NIBAN2: variants seen among roughly 807,000 people sequenced by gnomAD.
The protein encoded by NIBAN2 is niban apoptosis regulator 2.
Under a neutral mutation model 81.8 loss-of-function variants are expected in NIBAN2, and 36 were observed. That is an observed-to-expected ratio of 0.44 (90% CI 0.34 to 0.58). NIBAN2 has a LOEUF of 0.58. Among genes scored for constraint, NIBAN2 ranks in the 20% least tolerant of loss-of-function variants. The probability of loss-of-function intolerance (pLI) is 0.02; values close to 1 mark genes in which losing one functional copy is unlikely to be tolerated. For missense variants in NIBAN2, 897 were observed against 1,014.1 expected, an observed-to-expected ratio of 0.88 and a Z score of 1.57; for synonymous variants, 445 against 441.6, an observed-to-expected ratio of 1.01 and a Z score of -0.10.
intron 1 of NIBAN2, among the ~76,000 whole-genome samples, chr9:127,577,097 C>T (rs756034644): frequency 3.3e-5 from 5 of 151,594 alleles, no homozygotes; most frequent in East Asian, 2.0e-4. Context: ...CACCTGAGGT[C>T]GGGAGTTTGA....
Position 127,536,914 on chromosome 9 carries a change from G to A in NIBAN2, c.56-5136C>T, listed in dbSNP as rs1837290779. 6.6e-6 allele frequency among the ~76,000 whole-genome samples: 1 copy of A among 152,244 alleles called. No homozygotes were observed. On this transcript the variant is annotated intron_variant, in intron 1 of 13. Coordinates refer to ENST00000373312, the MANE Select transcript of NIBAN2 (RefSeq NM_022833.4). The surrounding 1 kb of genome is among the most constrained non-coding windows in gnomAD (Gnocchi z 4.0). Reference sequence around the variant, plus strand: ...GGCAGGGCTGGCCCGCAGGTCCTGGGCCCAGGAACTGGGGGGCTCCAGCTG... The same window carrying A: ...GGCAGGGCTGGCCCGCAGGTCCTGGACCCAGGAACTGGGGGGCTCCAGCTG...
At position 127,509,130 on chromosome 9, in the gene NIBAN2, T is replaced by A; in HGVS notation, c.1163A>T (p.Tyr388Phe). 3.1e-6 allele frequency: 5 copies of A among 1,610,290 alleles called. No homozygotes were observed. Among genetic ancestry groups the A allele is most frequent in the Non-Finnish European group, 4.2e-6 (5 of 1,179,454 alleles). The change falls in exon 10 of 14, where the codon TAC becomes TTC. Residue 388 changes from tyrosine (Y) to phenylalanine (F), a missense_variant and splice_region_variant. Physicochemically the swap from Tyr to Phe is conservative, Grantham distance 22. Around this residue, in one of 3 missense-constraint regions of NIBAN2, gnomAD observed 619 missense variants for 691.0 expected, o/e 0.90. Transcript: ENST00000373312. ...NEGGIDKLGE[Y>F]MEKLSRLAYH... ...CGCCAGCCGGGACAGCTTCTCCATG[T>A]ACTGCAGGGGCCGGGGCCGCGGGGG...
At chr9:127,512,287 A>ATTTT (rs3053049) in intron 8 of NIBAN2, among the ~76,000 whole-genome samples, 12 of 140,170 alleles carry the variant, frequency 8.6e-5, no homozygotes, top group South Asian at 2.3e-4. Flanking sequence ...TTCATTTTAC[A>ATTTT]TTTTTTTTTT....
At position 127,545,341 on chromosome 9, in the gene NIBAN2, A is replaced by T. The variant is rs1189985613; in HGVS notation, c.56-13563T>A. On this transcript the variant is annotated intron_variant, in intron 1 of 13. Transcript: ENST00000373312. The surrounding 1 kb of genome is among the most constrained non-coding windows in gnomAD (Gnocchi z 4.7). ...CCGGCACTCCCCTCAACCACAGTTA[A>T]TGCCTCATCTGAGACGCTCCCCGGA... is the stretch of plus-strand genomic sequence containing the variant. 6.6e-6 allele frequency among the ~76,000 whole-genome samples: 1 copy of T among 152,068 alleles called. No individual in the cohort carries two copies. The highest frequency in any genetic ancestry group is 1.5e-5 in the Non-Finnish European group (1 of 68,012).
chr9:127,530,645 T>G (rs969973635), intron 2 of NIBAN2, among the ~76,000 whole-genome samples: 1 of 152,258 alleles, frequency 6.6e-6, no homozygotes, highest in Non-Finnish European at 1.5e-5. Context: ...TAGCAGATCA[T>G]GATGGAGCCA....
intron 1 of NIBAN2, among the ~76,000 whole-genome samples, chr9:127,554,548 C>CTTTTTCTT (rs1837632673): frequency 9.6e-6 from 1 of 103,706 alleles, no homozygotes; most frequent in African/African-American, 3.7e-5. Flanking sequence ...TTTTCTTTTT[C>CTTTTTCTT]TTTTTTTTTT....
intron 1 of NIBAN2, 28 bp from the exon 2 acceptor site, chr9:127,531,806 G>A (rs761337261): frequency 2.5e-6 from 4 of 1,613,752 alleles, no homozygotes; most frequent in Non-Finnish European, 2.5e-6. Flanking sequence ...GCAGGAGCTT[G>A]AGGTCCTCAG....
chr9:127,525,258 T>A (rs952611759), intron 3 of NIBAN2, 95 bp from the exon 4 acceptor site: 2 of 829,126 alleles, frequency 2.4e-6, no homozygotes, highest in African/African-American at 3.7e-5. Flanking sequence ...TGGCCCAAAG[T>A]GGGGAGGAGA....
At position 127,536,154 on chromosome 9, in the gene NIBAN2, C is replaced by T. The variant is rs1011497450; in HGVS notation, c.56-4376G>A. On this transcript the variant is annotated intron_variant, in intron 1 of 13. Transcript: ENST00000373312. The surrounding 1 kb of genome is among the most constrained non-coding windows in gnomAD (Gnocchi z 4.0). The stretch of plus-strand genomic sequence containing the variant: ...ATGTCCTCAGCCAGCATGGAAGGAA[C>T]CGCCACGTGCTTTGTACAGAGGAAG... Among the ~76,000 whole-genome samples the T allele has an allele frequency of 6.6e-6, 1 of 152,190 alleles. No homozygotes were observed.
Position 127,506,864 on chromosome 9 carries a change from C to T in NIBAN2, c.2222G>A (p.Gly741Glu). The T allele has an allele frequency of 3.1e-6, 5 of 1,611,688 alleles. No homozygotes were observed. The highest frequency in any genetic ancestry group is 4.2e-6 in the Non-Finnish European group (5 of 1,179,040). ...ALHTTTEDSA[G>E]VQTEF Reference sequence around the variant, plus strand: ...ACTGGCCTAGAACTCAGTCTGCACCCCTGCACTGTCCTCGGTGGTGGTGTG... The same window carrying T: ...ACTGGCCTAGAACTCAGTCTGCACCTCTGCACTGTCCTCGGTGGTGGTGTG... Residue 741 changes from glycine to glutamate, a missense_variant, in exon 14 of 14, where the codon GGG (glycine) becomes GAG (glutamate). Physicochemically the swap from Gly to Glu is moderately conservative, Grantham distance 98 (BLOSUM62 -2). This residue lies in a region of NIBAN2 where 619 missense variants were observed against 691.0 expected (regional missense o/e 0.90). Coordinates refer to ENST00000373312, the MANE Select transcript of NIBAN2 (RefSeq NM_022833.4).
At chr9:127,571,637 A>G (rs1296310954), upstream of NIBAN2, among the ~76,000 whole-genome samples, 1 of 152,120 alleles carries the variant, frequency 6.6e-6, no homozygotes, top group Non-Finnish European at 1.5e-5. Context: ...CAGAGGTTGC[A>G]GTGAGCCAAG....
chr9:127,542,990 G>T (rs1837408758), intron 1 of NIBAN2, among the ~76,000 whole-genome samples: 1 of 152,210 alleles, frequency 6.6e-6, no homozygotes, highest in South Asian at 2.1e-4. Context: ...CTCCCAAAGT[G>T]CTGGGGTTAC....
At chr9:127,560,175 C>T (rs903879076) in intron 1 of NIBAN2, among the ~76,000 whole-genome samples, 3 of 152,178 alleles carry the variant, frequency 2.0e-5, no homozygotes, top group African/African-American at 7.2e-5. Context: ...GGAGCAGAGG[C>T]TGCAAGACCA....
intron 3 of NIBAN2, among the ~76,000 whole-genome samples, chr9:127,526,505 G>T (rs1006738918): frequency 6.6e-6 from 1 of 152,090 alleles, no homozygotes; most frequent in East Asian, 1.9e-4. Context: ...AAGCCCTTCA[G>T]GTGATTTGGA....
intron 8 of NIBAN2, among the ~76,000 whole-genome samples, chr9:127,515,671 T>C (rs952421579): frequency 3.3e-5 from 5 of 151,458 alleles, no homozygotes; most frequent in Admixed American, 3.3e-4. Context: ...ACCCTGTCTC[T>C]ACTAAAAATA....
chr9:127,560,777 G>T (rs890094032), intron 1 of NIBAN2, among the ~76,000 whole-genome samples: 2 of 152,166 alleles, frequency 1.3e-5, no homozygotes, highest in Non-Finnish European at 2.9e-5. Context: ...CGTGTGTTGG[G>T]GGCCAGAGCT....
At chr9:127,529,306 TGG>T (rs1564304671) in intron 2 of NIBAN2, among the ~76,000 whole-genome samples, 1 of 152,034 alleles carries the variant, frequency 6.6e-6, no homozygotes, top group Non-Finnish European at 1.5e-5. Flanking sequence ...TCCCTCAGAG[TGG>T]GGCCACGGGG....
chr9:127,535,295 G>T (rs1837254880), intron 1 of NIBAN2, among the ~76,000 whole-genome samples: 1 of 152,266 alleles, frequency 6.6e-6, no homozygotes, highest in South Asian at 2.1e-4. Context: ...GTGCTCAACT[G>T]CCCGGACAGC....
intron 8 of NIBAN2, 40 bp downstream of exon 8, chr9:127,516,817 G>A (rs998281620): frequency 6.3e-7 from 1 of 1,578,332 alleles, no homozygotes; most frequent in Non-Finnish European, 8.7e-7. Flanking sequence ...GTCCACCTTG[G>A]CCCCTGGAGG....
Sources: gnomAD v4.1 joint callset for allele counts (sites outside exome capture counted in the v4.1 genomes callset) on GRCh38, gnomAD v4.1.1 for gene constraint, gnomAD v4.1.1 regional missense constraint, Gnocchi (gnomAD v3.1) non-coding constraint, MANE v1.5 for transcripts, NCBI Gene and HGNC (gene_info 2026-07-23, HGNC 2026-07-21) for gene names.